Variants in MCOLN2 observed in about 807,000 individuals in gnomAD.
The protein encoded by MCOLN2 is mucolipin TRP cation channel 2.
Under a neutral mutation model 67.5 loss-of-function variants are expected in MCOLN2, and 57 were observed. That is an observed-to-expected ratio of 0.84 (90% CI 0.68 to 1.05). MCOLN2 has a LOEUF of 1.05. Ranked by LOEUF, MCOLN2 falls within the 50% of genes least tolerant of loss-of-function variation. The pLI is 0.00. For synonymous variants in MCOLN2, 246 were observed against 233.3 expected, an observed-to-expected ratio of 1.05 and a Z score of -0.50; for missense variants, 620 against 678.8, an observed-to-expected ratio of 0.91 and a Z score of 0.96.
intron 1 of MCOLN2, among the ~76,000 whole-genome samples, chr1:84,971,293 T>A (rs1159955002): frequency 6.6e-6 from 1 of 152,142 alleles, no homozygotes. Context: ...AGCTGTTTTT[T>A]AATAAACCTA....
chr1:84,933,238 T>G (rs1481515591), intron 11 of MCOLN2, among the ~76,000 whole-genome samples: 1 of 152,138 alleles, frequency 6.6e-6, no homozygotes, highest in Non-Finnish European at 1.5e-5. Flanking sequence ...CAGAATGAAC[T>G]ATGGTCTTCT....
chr1:84,987,581 G>GGTGT (rs1557666012), intron 1 of MCOLN2, among the ~76,000 whole-genome samples: 1 of 47,298 alleles, frequency 2.1e-5, no homozygotes, highest in Non-Finnish European at 4.0e-5. Context: ...TGTATACATA[G>GGTGT]ATATATACAT....
At chr1:84,972,413 A>T (rs1216531600) in intron 1 of MCOLN2, among the ~76,000 whole-genome samples, 1 of 152,214 alleles carries the variant, frequency 6.6e-6, no homozygotes, top group East Asian at 1.9e-4. Flanking sequence ...CAAAATATCA[A>T]AGAAAAAAAG....
chr1:84,973,127 A>AAG (rs1381511924), intron 1 of MCOLN2, among the ~76,000 whole-genome samples: 2 of 152,186 alleles, frequency 1.3e-5, no homozygotes, highest in Admixed American at 6.5e-5. Context: ...AAGAATTCCC[A>AAG]AGATTTAATA....
chr1:84,930,871 A>G (rs1661371627), intron 12 of MCOLN2, among the ~76,000 whole-genome samples: 1 of 152,170 alleles, frequency 6.6e-6, no homozygotes, highest in South Asian at 2.1e-4. Flanking sequence ...AGGATACAGA[A>G]CCCATCAGGT....
chr1:84,940,950 C>G lies in MCOLN2; in HGVS notation c.889G>C (p.Val297Leu). The G allele has an allele frequency of 6.2e-7, 1 of 1,613,662 alleles. No homozygotes were observed. Among genetic ancestry groups the G allele is most frequent in the Non-Finnish European group, 8.5e-7 (1 of 1,179,728 alleles). ...AGAGATGCCAAGCAAATCACAATGACAAATGCATCAAACACCAGGACATAC... is the reference window on the plus strand; with the variant it reads ...AGAGATGCCAAGCAAATCACAATGAGAAATGCATCAAACACCAGGACATAC... ...AQYVLVFDAF[V>L]IVICLASLIL... Residue 297 changes from valine to leucine, a missense_variant, in exon 8 of 14, where the codon GTC becomes CTC. Transcript: ENST00000370608.
intron 4 of MCOLN2, among the ~76,000 whole-genome samples, chr1:84,953,706 C>CTCA (rs76613165): frequency 0.13 from 20,012 of 152,036 alleles, 1,622 homozygotes; most frequent in East Asian, 0.26. Context: ...CAAGTAAAAA[C>CTCA]AGATTATGAG....
chr1:84,967,436 T>C (rs954538251), intron 1 of MCOLN2, among the ~76,000 whole-genome samples: 2 of 152,232 alleles, frequency 1.3e-5, no homozygotes, highest in African/African-American at 4.8e-5. Flanking sequence ...GGGTCATTTT[T>C]TAAGGTTCTG....
At position 84,952,331 on chromosome 1, in the gene MCOLN2, T is replaced by C. The variant is rs754244436; in HGVS notation, c.659A>G (p.Gln220Arg). 1.9e-6 allele frequency: 3 copies of C among 1,611,798 alleles called. No individual in the cohort carries two copies. Residue 220 changes from glutamine (Q) to arginine (R), a missense_variant, in exon 6 of 14, where the codon CAG (glutamine) becomes CGG (arginine). By Grantham distance (43) the Gln-to-Arg change is conservative. Transcript: ENST00000370608. The part of the protein sequence containing the change: ...FFRLEFYRLL[Q>R]VEISFHLKGI... ...TTTAAGATGAAAGGAGATTTCAACC[T>C]GTAAGAGCCTGAATAAAATATATTG...
chr1:84,928,798 A>G (rs994812045), intron 13 of MCOLN2, among the ~76,000 whole-genome samples: 3 of 152,212 alleles, frequency 2.0e-5, no homozygotes, highest in Admixed American at 6.5e-5. Flanking sequence ...TGAATTGATT[A>G]ACAGAAAAAT....
intron 9 of MCOLN2, 144 bp downstream of exon 9, chr1:84,939,409 G>A: frequency 1.3e-6 from 1 of 788,896 alleles, no homozygotes; most frequent in Non-Finnish European, 2.0e-6. Flanking sequence ...GAGGAACCAA[G>A]CCAGGGGAGG....
At chr1:84,953,993 A>G (rs507465) in intron 4 of MCOLN2, among the ~76,000 whole-genome samples, 54,119 of 151,876 alleles carry the variant, frequency 0.36, 10,043 homozygotes, top group African/African-American at 0.44. Context: ...ATCTTGGAAA[A>G]CTCACTGGCT....
At chr1:84,985,098 G>GAAA (rs375270641) in intron 1 of MCOLN2, among the ~76,000 whole-genome samples, 1 of 143,712 alleles carries the variant, frequency 7.0e-6, no homozygotes, top group Non-Finnish European at 1.5e-5. Flanking sequence ...TCAAAATGAG[G>GAAA]AAAAAAAAAA....
rs967351712 is a variant in MCOLN2 at position 84,947,201 on chromosome 1, T to TA, written c.748-70dup. On this transcript the variant is annotated intron_variant, in intron 6 of 13. Coordinates refer to ENST00000370608, the MANE Select transcript of MCOLN2 (RefSeq NM_153259.4). ...TATAACATGTTAGATCAAATCTGCT[T>TA]AAAAAAAAAATCACTGGCATCCAGT... The TA allele has an allele frequency of 3.4e-3, 2,580 of 759,586 alleles. 1 individual carries two copies. Among genetic ancestry groups the TA allele is most frequent in the South Asian group, 3.9e-3 (243 of 62,192 alleles). The allele number at this position is 759,586 out of a possible 1,614,324, so 47.1% of individuals were successfully genotyped here.
chr1:84,985,404 C>T (rs6677091), intron 1 of MCOLN2, among the ~76,000 whole-genome samples: 66,327 of 152,062 alleles, frequency 0.44, 15,198 homozygotes, highest in East Asian at 0.62. Context: ...TTCTAGTCTC[C>T]ATCTTCTGTT....
chr1:84,951,547 C>T (rs938079197), intron 6 of MCOLN2, among the ~76,000 whole-genome samples: 1 of 152,236 alleles, frequency 6.6e-6, no homozygotes, highest in Non-Finnish European at 1.5e-5. Flanking sequence ...GCAGTTTATG[C>T]CTCGAGGTTT....
chr1:84,950,213 C>T (rs1297669306), intron 6 of MCOLN2, among the ~76,000 whole-genome samples: 2 of 152,192 alleles, frequency 1.3e-5, no homozygotes, highest in South Asian at 2.1e-4. Flanking sequence ...GATTTCTTCA[C>T]AACTTTCTGT....
At chr1:84,952,081 T>C (rs679932) in intron 6 of MCOLN2, among the ~76,000 whole-genome samples, 162 bp downstream of exon 6, 14,150 of 151,886 alleles carry the variant, frequency 0.093, 2,286 homozygotes, top group African/African-American at 0.32. Context: ...AGCGAGACTA[T>C]GTATTAGAAA....
intron 4 of MCOLN2, among the ~76,000 whole-genome samples, chr1:84,954,707 A>G (rs1314347290): frequency 6.6e-6 from 1 of 152,228 alleles, no homozygotes; most frequent in Non-Finnish European, 1.5e-5. Context: ...TTAGAAGAAC[A>G]TCAAAGACCC....
Sources: allele counts gnomAD v4.1 joint callset (sites outside exome capture counted in the v4.1 genomes callset), GRCh38; gene constraint gnomAD v4.1.1; transcripts MANE v1.5; gene names NCBI Gene and HGNC (gene_info 2026-07-23, HGNC 2026-07-21).